CABP1: variants seen among roughly 807,000 people sequenced by gnomAD.
CABP1 encodes calcium-binding protein 1.
A neutral mutation model predicts 34.3 loss-of-function variants in CABP1; 17 were observed. That is an observed-to-expected ratio of 0.50 (90% CI 0.34 to 0.74). CABP1 has a LOEUF of 0.74. Ranked by LOEUF, CABP1 falls within the 30% of genes least tolerant of loss-of-function variation. The pLI is 0.01. For synonymous variants in CABP1, 198 were observed against 229.2 expected (o/e 0.86, Z 1.23); for missense variants, 373 against 511.1 (o/e 0.73, Z 2.61).
downstream of CABP1, among the ~76,000 whole-genome samples, chr12:120,671,456 C>T (rs370161920): frequency 6.6e-6 from 1 of 152,128 alleles, no homozygotes; most frequent in Non-Finnish European, 1.5e-5. Context: ...GAGAGTGTGG[C>T]CCTTTTGGGA....
chr12:120,669,775 G>T (rs1881187330), downstream of CABP1, among the ~76,000 whole-genome samples: 1 of 151,230 alleles, frequency 6.6e-6, no homozygotes, highest in Admixed American at 6.6e-5. Context: ...AAGAATCATA[G>T]ATATGCCAGT....
chr12:120,659,573 C>G (rs1880490722), intron 1 of CABP1: 1 of 331,852 alleles, frequency 3.0e-6, no homozygotes, highest in Non-Finnish European at 5.5e-6. Context: ...CTCACTACAG[C>G]CTCAAACTCC....
chr12:120,680,372 C>T, the CABP1 span, among the ~76,000 whole-genome samples: 1 of 152,152 alleles, frequency 6.6e-6, no homozygotes, highest in Non-Finnish European at 1.5e-5. Context: ...AGGAACTGAA[C>T]CCAGCTCTGT....
chr12:120,667,158 A>C lies in CABP1; in HGVS notation c.*258A>C. On this transcript the variant is annotated 3_prime_UTR_variant, in exon 6 of 6. Transcript: ENST00000316803. ...CCGGCAGAGGTCATGCCAGGCGCCA[A>C]GGGCCATGTGCCCAGCTGCTGCTGG... The C allele has an allele frequency of 1.7e-6, 1 of 572,992 alleles. No homozygotes were observed. Among genetic ancestry groups the C allele is most frequent in the Non-Finnish European group, 3.1e-6 (1 of 319,890 alleles). The allele number at this position is 572,992 out of a possible 1,614,324, so 35.5% of individuals were successfully genotyped here.
At position 120,640,926 on chromosome 12, in the gene CABP1, G is replaced by A. The variant is rs1041493248; in HGVS notation, c.241G>A (p.Gly81Arg). The change falls in exon 1 of 6, where the codon GGG (glycine) becomes AGG (arginine). Residue 81 changes from glycine (G) to arginine (R), a missense_variant. Transcript: ENST00000316803. This position sits in a 1 kb window ranked among gnomAD's most constrained non-coding sequence, Gnocchi z 6.2. Reference sequence around the variant, plus strand: ...GAAGGCGGCGGCGGCGGCGGCGAGCGGGGGCAGCCGGGCTCCCCGCCACGG... The same window carrying A: ...GAAGGCGGCGGCGGCGGCGGCGAGCAGGGGCAGCCGGGCTCCCCGCCACGG... Reference protein sequence around the residue: ...LLKAAAAAASGGSRAPRHGPA... With the variant: ...LLKAAAAAASRGSRAPRHGPA... 2 of 1,117,594 alleles carry A rather than the reference G, an allele frequency of 1.8e-6. No individual in the cohort carries two copies. Among genetic ancestry groups the A allele is most frequent in the African/African-American group, 1.7e-5 (1 of 60,204 alleles). The allele number at this position is 1,117,594 out of a possible 1,614,324, so 69.2% of individuals were successfully genotyped here.
rs764120954 is a variant in CABP1, at chr12:120,661,516, CATTT to C, written c.1087+301_1087+304del. 5 of 323,730 alleles carry C rather than the reference CATTT, an allele frequency of 1.5e-5. No homozygotes were observed. The East Asian group carries it at 1.9e-4, about 12-fold the overall frequency. 20.1% of individuals were successfully genotyped at this position (323,730 alleles called of 1,614,324 possible). On this transcript the variant is annotated intron_variant, in intron 5 of 5. Transcript: ENST00000316803. This position sits in a 1 kb window ranked among gnomAD's most constrained non-coding sequence, Gnocchi z 5.1. ...TCTGTCCACCATCCATCCATCCATC[CATTT>C]ATCTACCCATCTATCCATCCATCCA...
At chr12:120,659,961 G>T in intron 2 of CABP1, 53 bp downstream of exon 2, 1 of 1,573,780 alleles carries the variant, frequency 6.4e-7, no homozygotes, top group South Asian at 1.1e-5. Flanking sequence ...AGGAAGGTGT[G>T]GGAAGGGAGG....
chr12:120,640,751 C>T lies in CABP1; in HGVS notation c.66C>T (p.Leu22=). The T allele has an allele frequency of 1.7e-6, 2 of 1,173,746 alleles. No homozygotes were observed. The highest frequency in any genetic ancestry group is 2.1e-6 in the Non-Finnish European group (2 of 951,160). 72.7% of individuals were successfully genotyped at this position (1,173,746 alleles called of 1,614,324 possible). ...ACGGCGCCCGCCTCCAGCGCGTCCT[C>T]GGGCTTGGCTCCCGCCGGGAGCCCC... ...PGDGARLQRV[L]GLGSRREPRS... Residue 22 remains leucine, a synonymous_variant, in exon 1 of 6, where the codon CTC becomes CTT. Transcript: ENST00000316803. The surrounding 1 kb of genome is among the most constrained non-coding windows in gnomAD (Gnocchi z 6.2).
At chr12:120,673,921 C>A in the CABP1 span, among the ~76,000 whole-genome samples, 1 of 152,198 alleles carries the variant, frequency 6.6e-6, no homozygotes, top group Admixed American at 6.5e-5. Context: ...GTGGCTCATG[C>A]CTGTAATTCC....
chr12:120,641,104 A>G lies in CABP1; in HGVS notation c.419A>G (p.Gln140Arg), dbSNP rs17852741. The stretch of plus-strand genomic sequence containing the variant: ...CGGGGGAGCCAGCGTGTGCTCCCCC[A>G]GGCGCACTGCAGGCCCCGGGAGGCG... ...GARGSQRVLP[Q>R]AHCRPREALP... Residue 140 changes from glutamine (Q) to arginine (R), a missense_variant, in exon 1 of 6, where the codon CAG becomes CGG. By Grantham distance (43) the Gln-to-Arg change is conservative. Coordinates refer to ENST00000316803, the MANE Select transcript of CABP1 (RefSeq NM_001033677.2). The surrounding 1 kb of genome is among the most constrained non-coding windows in gnomAD (Gnocchi z 6.7). The G allele has an allele frequency of 7.4e-6, 9 of 1,216,328 alleles. No individual in the cohort carries two copies. The allele number at this position is 1,216,328 out of a possible 1,614,324, so 75.3% of individuals were successfully genotyped here.
rs1313440620 is a variant in CABP1, at chr12:120,661,555, TATCC to T, written c.1087+345_1087+348del. The T allele has an allele frequency of 4.1e-6, 1 of 242,320 alleles. No individual in the cohort carries two copies. Among genetic ancestry groups the T allele is most frequent in the Non-Finnish European group, 8.1e-6 (1 of 123,718 alleles). The allele number at this position is 242,320 out of a possible 1,614,324, so 15.0% of individuals were successfully genotyped here. A position where few individuals can be genotyped will look rare whatever the true frequency, so the allele number is the denominator to read the frequency against. The stretch of plus-strand genomic sequence containing the variant: ...TCTATCCATCCATCCATCCTCTACC[TATCC>T]ATCCATCTGTCCATTTATCCATTCA... On this transcript the variant is annotated intron_variant, in intron 5 of 5. Transcript: ENST00000316803. The surrounding 1 kb of genome is among the most constrained non-coding windows in gnomAD (Gnocchi z 5.1).
chr12:120,665,545 A>C (rs1880915782), intron 5 of CABP1, among the ~76,000 whole-genome samples: 1 of 152,202 alleles, frequency 6.6e-6, no homozygotes, highest in African/African-American at 2.4e-5. Context: ...ACCCTGATGT[A>C]AACTGTGGTC....
At chr12:120,664,789 C>T (rs913935250) in intron 5 of CABP1, among the ~76,000 whole-genome samples, 4 of 151,590 alleles carry the variant, frequency 2.6e-5, no homozygotes, top group Admixed American at 1.3e-4. Flanking sequence ...GACACAGAAT[C>T]GCTTGAACCC....
the CABP1 span, among the ~76,000 whole-genome samples, chr12:120,672,688 T>A: frequency 7.2e-6 from 1 of 138,430 alleles, no homozygotes; most frequent in African/African-American, 2.8e-5. Flanking sequence ...TAAATGATAG[T>A]ATGTAGGGAT....
At chr12:120,650,009 G>A in intron 1 of CABP1, 1 of 147,404 alleles carries the variant, frequency 6.8e-6, no homozygotes, top group Non-Finnish European at 1.5e-5. Flanking sequence ...GTGTGTTTGT[G>A]CGCGCGTGTG....
At chr12:120,655,168 CTG>C (rs1880100401) in intron 1 of CABP1, 1 of 153,012 alleles carries the variant, frequency 6.5e-6, no homozygotes, top group African/African-American at 2.4e-5. Flanking sequence ...TGGCTCACGC[CTG>C]TAATCCCAGC....
intron 1 of CABP1, among the ~76,000 whole-genome samples, chr12:120,658,421 G>A (rs975283501): frequency 3.9e-5 from 6 of 151,978 alleles, no homozygotes; most frequent in Admixed American, 6.6e-5. Flanking sequence ...TTAGGTGAAC[G>A]TCCATGCAGT....
intron 1 of CABP1, chr12:120,649,990 CAT>C (rs1491439277): frequency 6.6e-6 from 1 of 151,742 alleles, no homozygotes; most frequent in Non-Finnish European, 1.5e-5. Context: ...TGTGTGCATG[CAT>C]GTGTGTGTGT....
Position 120,641,288 on chromosome 12 carries a change from G to A in CABP1, c.603G>A (p.Ala201=). ...CCGTTCCAGCCGCCGCGTCCGAGGC[G>A]GACCCGTTCCTCCACCGGCTGCGCC... The part of the protein sequence containing the change: ...GDSVPAAASE[A]DPFLHRLRPM... The change falls in exon 1 of 6, where the codon GCG becomes GCA. Residue 201 remains alanine, a synonymous_variant. Coordinates refer to ENST00000316803, the MANE Select transcript of CABP1 (RefSeq NM_001033677.2). This position sits in a 1 kb window ranked among gnomAD's most constrained non-coding sequence, Gnocchi z 6.7. The A allele has an allele frequency of 7.5e-7, 1 of 1,325,228 alleles. No individual in the cohort carries two copies. The highest frequency in any genetic ancestry group is 9.6e-7 in the Non-Finnish European group (1 of 1,039,172). 82.1% of individuals were successfully genotyped at this position (1,325,228 alleles called of 1,614,324 possible).
Sources: gnomAD v4.1 joint callset for allele counts (sites outside exome capture counted in the v4.1 genomes callset) on GRCh38, gnomAD v4.1.1 for gene constraint, Gnocchi (gnomAD v3.1) non-coding constraint, MANE v1.5 for transcripts, NCBI Gene and HGNC (gene_info 2026-07-23, HGNC 2026-07-21) for gene names.